Variants in CHSY3 observed in about 807,000 individuals in gnomAD.
The protein encoded by CHSY3 is N-acetylgalactosaminyl-proteoglycan 3-beta-glucuronosyltransferase 3.
CHSY3 carries 35 observed loss-of-function variants against 67.2 expected under a neutral mutation model. That is an observed-to-expected ratio of 0.52 (90% CI 0.40 to 0.69). CHSY3 has a LOEUF of 0.69. CHSY3 is among the 30% of genes least tolerant of loss of function. The probability of loss-of-function intolerance (pLI) is 0.00; values close to 1 mark genes in which losing one functional copy is unlikely to be tolerated. For synonymous variants in CHSY3, 474 were observed against 434.7 expected (o/e 1.09, Z -1.12); for missense variants, 1,069 against 1,138.5 (o/e 0.94, Z 0.88).
At chr5:130,037,378 G>A (rs1764890012) in intron 2 of CHSY3, among the ~76,000 whole-genome samples, 1 of 152,106 alleles carries the variant, frequency 6.6e-6, no homozygotes, top group Non-Finnish European at 1.5e-5. Context: ...ATCATGATGT[G>A]CCCACAGGGC....
At chr5:130,011,199 G>A (rs1395542774) in intron 2 of CHSY3, among the ~76,000 whole-genome samples, 1 of 152,166 alleles carries the variant, frequency 6.6e-6, no homozygotes, top group Non-Finnish European at 1.5e-5. Context: ...CAGTATCTCT[G>A]ATGGGCCTAG....
At chr5:130,019,092 C>T (rs1471026008) in intron 2 of CHSY3, among the ~76,000 whole-genome samples, 1 of 152,052 alleles carries the variant, frequency 6.6e-6, no homozygotes, top group East Asian at 1.9e-4. Flanking sequence ...ACTACCCAGT[C>T]TCAGGTATTT....
intron 2 of CHSY3, among the ~76,000 whole-genome samples, chr5:129,928,188 C>A: frequency 7.0e-6 from 1 of 142,436 alleles, no homozygotes; most frequent in Non-Finnish European, 1.5e-5. Flanking sequence ...CCTGATCCTC[C>A]CTCTCCCCAC....
intron 2 of CHSY3, among the ~76,000 whole-genome samples, chr5:130,137,314 T>C (rs768305734): frequency 6.6e-6 from 1 of 152,170 alleles, no homozygotes; most frequent in Non-Finnish European, 1.5e-5. Flanking sequence ...ACACAGAACA[T>C]GTTCACTTTT....
At chr5:130,052,415 A>G (rs967588048) in intron 2 of CHSY3, among the ~76,000 whole-genome samples, 1 of 152,140 alleles carries the variant, frequency 6.6e-6, no homozygotes, top group African/African-American at 2.4e-5. Flanking sequence ...CATAATTGCC[A>G]TTGGGAAGAT....
chr5:130,131,199 G>A (rs1488302631), intron 2 of CHSY3, among the ~76,000 whole-genome samples: 1 of 152,168 alleles, frequency 6.6e-6, no homozygotes, highest in African/African-American at 2.4e-5. Flanking sequence ...AATGAGTCAA[G>A]TTGGATACTA....
At chr5:129,917,956 A>G (rs534344964) in intron 2 of CHSY3, among the ~76,000 whole-genome samples, 8 of 152,344 alleles carry the variant, frequency 5.3e-5, no homozygotes, top group Non-Finnish European at 1.2e-4. Flanking sequence ...TCAATTTTCC[A>G]TATTCAAATA....
intron 2 of CHSY3, among the ~76,000 whole-genome samples, chr5:130,179,830 C>T (rs1770192917): frequency 6.6e-6 from 1 of 152,058 alleles, no homozygotes; most frequent in South Asian, 2.1e-4. Flanking sequence ...ACAAGCAATT[C>T]AGCATAGATT....
intron 2 of CHSY3, among the ~76,000 whole-genome samples, chr5:129,933,780 A>G (rs1245125782): frequency 6.6e-6 from 1 of 152,016 alleles, no homozygotes; most frequent in Non-Finnish European, 1.5e-5. Context: ...CTTTCATGTA[A>G]TTTTTTCATA....
chr5:130,014,429 G>C (rs1397281925), intron 2 of CHSY3, among the ~76,000 whole-genome samples: 1 of 152,200 alleles, frequency 6.6e-6, no homozygotes, highest in Admixed American at 6.5e-5. Context: ...GGAGACCTCA[G>C]TAAACTTACA....
chr5:129,966,893 A>G (rs1191047438), intron 2 of CHSY3, among the ~76,000 whole-genome samples: 2 of 151,840 alleles, frequency 1.3e-5, no homozygotes, highest in Non-Finnish European at 2.9e-5. Context: ...TCCCTCCTAC[A>G]GTACAGATAC....
chr5:129,975,214 C>T (rs918405526), intron 2 of CHSY3, among the ~76,000 whole-genome samples: 4 of 152,072 alleles, frequency 2.6e-5, no homozygotes, highest in South Asian at 4.1e-4. Context: ...TACCCTAAAA[C>T]TTAAAGTATA....
rs572772560 is a variant in CHSY3 at position 130,057,750 on chromosome 5, C to A, written c.1087-126479C>A. ...TAGTAACTCTGTTGATGAAAACATT[C>A]GTACCAAGATGTTTACCCAATTTGT... On this transcript the variant is annotated intron_variant, in intron 2 of 2. Coordinates refer to ENST00000305031, the MANE Select transcript of CHSY3 (RefSeq NM_175856.5). Among the ~76,000 whole-genome samples, 12 of 152,246 alleles carry A rather than the reference C, an allele frequency of 7.9e-5. No homozygotes were observed. The South Asian group carries it at 1.9e-3, about 24-fold the overall frequency.
chr5:129,915,018 T>C (rs2149578828), intron 2 of CHSY3, among the ~76,000 whole-genome samples: 1 of 152,334 alleles, frequency 6.6e-6, no homozygotes, highest in Non-Finnish European at 1.5e-5. Context: ...CCCTTCTTTG[T>C]CTTAGTCTCC....
Position 130,185,747 on chromosome 5 carries a change from C to T in CHSY3, c.2605C>T (p.Leu869Phe), listed in dbSNP as rs78253116. ...ASTMQLAELW[L>F]EKHLGVRYNR... is the part of the protein sequence containing the mutation. ...AACCATGCAACTGGCTGAACTCTGG[C>T]TTGAAAAACATTTAGGTGTCAGGTA... The change falls in exon 3 of 3, where the codon CTT (leucine) becomes TTT (phenylalanine). Residue 869 changes from leucine (L) to phenylalanine (F), a missense_variant. Coordinates refer to ENST00000305031, the MANE Select transcript of CHSY3 (RefSeq NM_175856.5). 1.1e-3 allele frequency: 1,834 copies of T among 1,610,306 alleles called. 20 individuals carry two copies. In the East Asian group the frequency reaches 0.036, roughly 31 times the overall value.
chr5:130,186,012 AAT>A lies in CHSY3; in HGVS notation c.*224_*225del, dbSNP rs1220940584. 7 of 288,372 alleles carry A rather than the reference AAT, an allele frequency of 2.4e-5. No individual in the cohort carries two copies. The highest frequency in any genetic ancestry group is 4.4e-5 in the Non-Finnish European group (7 of 158,832). The allele number at this position is 288,372 out of a possible 1,614,324, so 17.9% of individuals were successfully genotyped here. A position where few individuals can be genotyped will look rare whatever the true frequency, so the allele number is the denominator to read the frequency against. ...GATGTTTCAGATTTCTACTGAAGTC[AAT>A]ATGTTATTACTTTTATATAACTTTA... On this transcript the variant is annotated 3_prime_UTR_variant, in exon 3 of 3. Transcript: ENST00000305031.
At chr5:129,988,885 G>T (rs150045779) in intron 2 of CHSY3, among the ~76,000 whole-genome samples, 91 of 152,252 alleles carry the variant, frequency 6.0e-4, no homozygotes, top group African/African-American at 2.1e-3. Flanking sequence ...CTGTACTTCT[G>T]TACCAACATC....
At chr5:130,170,478 T>C (rs1373866788) in intron 2 of CHSY3, among the ~76,000 whole-genome samples, 1 of 152,138 alleles carries the variant, frequency 6.6e-6, no homozygotes, top group South Asian at 2.1e-4. Context: ...TATAATTATT[T>C]ATTTTCCTTT....
intron 2 of CHSY3, among the ~76,000 whole-genome samples, chr5:130,121,484 G>C (rs762504542): frequency 2.0e-5 from 3 of 152,120 alleles, no homozygotes; most frequent in Non-Finnish European, 4.4e-5. Flanking sequence ...ATCTATTAAA[G>C]GAGCTTCCTG....
Sources: gnomAD v4.1 joint callset for allele counts (sites outside exome capture counted in the v4.1 genomes callset) on GRCh38, gnomAD v4.1.1 for gene constraint, MANE v1.5 for transcripts, NCBI Gene and HGNC (gene_info 2026-07-23, HGNC 2026-07-21) for gene names.